Variants in ROBO1 observed in about 807,000 individuals in gnomAD.
ROBO1 encodes roundabout guidance receptor 1.
Under a neutral mutation model 195.9 loss-of-function variants are expected in ROBO1, and 149 were observed. That is an observed-to-expected ratio of 0.76 (90% CI 0.67 to 0.87). The LOEUF is 0.87. Among genes scored for constraint, ROBO1 ranks in the 40% least tolerant of loss-of-function variants. The pLI is 0.00. For missense variants in ROBO1, 1,933 were observed against 2,068.3 expected, an observed-to-expected ratio of 0.93 and a Z score of 1.27; for synonymous variants, 816 against 733.2, an observed-to-expected ratio of 1.11 and a Z score of -1.82.
At position 78,647,618 on chromosome 3, in the gene ROBO1, C is replaced by G; in HGVS notation, c.2839+11G>C. ...ACAATGGAAAGGAGGAGGGTAAGTG[C>G]AAATATATACCTGTTGGTGTGAAGG... On this transcript the variant is annotated intron_variant, in intron 20 of 30. Transcript: ENST00000464233. 1 of 1,610,254 alleles carries G rather than the reference C, an allele frequency of 6.2e-7. No individual in the cohort carries two copies. The highest frequency in any genetic ancestry group is 8.5e-7 in the Non-Finnish European group (1 of 1,176,938).
At chr3:79,234,195 T>C (rs2082369487) in intron 2 of ROBO1, among the ~76,000 whole-genome samples, 1 of 152,144 alleles carries the variant, frequency 6.6e-6, no homozygotes, top group African/African-American at 2.4e-5. Flanking sequence ...TATAACTAGG[T>C]ACTACTTTTA....
At chr3:78,782,907 T>G (rs1284036540) in intron 4 of ROBO1, among the ~76,000 whole-genome samples, 1 of 152,170 alleles carries the variant, frequency 6.6e-6, no homozygotes, top group African/African-American at 2.4e-5. Flanking sequence ...AAAGAGTGGT[T>G]TAACGTATGC....
chr3:78,824,856 G>A (rs1488876080), intron 4 of ROBO1, among the ~76,000 whole-genome samples: 1 of 152,072 alleles, frequency 6.6e-6, no homozygotes, highest in Non-Finnish European at 1.5e-5. Flanking sequence ...GGCAATGTTT[G>A]AATTCCCTAA....
intron 1 of ROBO1, among the ~76,000 whole-genome samples, chr3:79,606,487 A>G (rs968988350): frequency 3.3e-5 from 5 of 151,964 alleles, no homozygotes; most frequent in Admixed American, 1.3e-4. Context: ...TTCCCTGCCC[A>G]GGCTGGACTC....
At chr3:78,838,747 G>C (rs2106709308) in intron 4 of ROBO1, among the ~76,000 whole-genome samples, 1 of 152,264 alleles carries the variant, frequency 6.6e-6, no homozygotes, top group East Asian at 1.9e-4. Context: ...CATTAGCCTT[G>C]GGGGACAATC....
At chr3:79,186,678 G>A (rs1028001194) in intron 2 of ROBO1, among the ~76,000 whole-genome samples, 1 of 152,114 alleles carries the variant, frequency 6.6e-6, no homozygotes. Flanking sequence ...TCAGTGAAAT[G>A]TGAGCAGAAG....
intron 2 of ROBO1, among the ~76,000 whole-genome samples, chr3:79,518,750 G>A (rs762999129): frequency 2.6e-5 from 4 of 151,416 alleles, no homozygotes; most frequent in South Asian, 2.1e-4. Context: ...GTGCGATCTC[G>A]GCTCACTGCC....
intron 2 of ROBO1, among the ~76,000 whole-genome samples, chr3:79,159,726 T>A (rs2080922015): frequency 6.6e-6 from 1 of 152,030 alleles, no homozygotes; most frequent in Non-Finnish European, 1.5e-5. Context: ...TTGTACCACA[T>A]CCATTTATCC....
chr3:78,989,456 A>G (rs1007798604), intron 3 of ROBO1, among the ~76,000 whole-genome samples: 1 of 152,180 alleles, frequency 6.6e-6, no homozygotes, highest in African/African-American at 2.4e-5. Context: ...TCTACTAAAA[A>G]TACAAAAATT....
intron 4 of ROBO1, among the ~76,000 whole-genome samples, chr3:78,842,623 G>A (rs2033346599): frequency 6.8e-6 from 1 of 147,442 alleles, no homozygotes. Flanking sequence ...TGGCACCTAA[G>A]CACACGAAAT....
At chr3:78,946,179 A>G (rs939949364) in intron 3 of ROBO1, among the ~76,000 whole-genome samples, 1 of 152,142 alleles carries the variant, frequency 6.6e-6, no homozygotes, top group Non-Finnish European at 1.5e-5. Context: ...GAACACCACA[A>G]AGATACTCCT....
chr3:78,635,717 C>G (rs1705452122), intron 23 of ROBO1, 56 bp downstream of exon 23: 1 of 1,411,852 alleles, frequency 7.1e-7, no homozygotes, highest in Non-Finnish European at 9.8e-7. Flanking sequence ...AACATCTAGT[C>G]GAGGTGCTGA....
chr3:78,902,586 T>C (rs961965573), intron 4 of ROBO1, among the ~76,000 whole-genome samples: 2 of 152,154 alleles, frequency 1.3e-5, no homozygotes, highest in Non-Finnish European at 2.9e-5. Flanking sequence ...CAGTGGCTCA[T>C]GCCTGTAATC....
intron 8 of ROBO1, among the ~76,000 whole-genome samples, chr3:78,699,041 C>T (rs2081361532): frequency 6.6e-6 from 1 of 152,114 alleles, no homozygotes; most frequent in Admixed American, 6.5e-5. Flanking sequence ...CTTAGAAAGC[C>T]AGAAACCTAC....
rs948218361 is a variant in ROBO1 at position 79,750,635 on chromosome 3, G to C, written c.-51+17117C>G. 2.0e-5 allele frequency among the ~76,000 whole-genome samples: 3 copies of C among 152,150 alleles called. No homozygotes were observed. In the South Asian group the frequency reaches 6.2e-4, roughly 32 times the overall value. ...TGAATGAATCTCCTGAGATCTGATGGCTTTAAAAATGGGAGTTTGCCTGCA... is the reference window on the plus strand; with the variant it reads ...TGAATGAATCTCCTGAGATCTGATGCCTTTAAAAATGGGAGTTTGCCTGCA... On this transcript the variant is annotated intron_variant, in intron 1 of 30. Transcript: ENST00000464233.
intron 2 of ROBO1, among the ~76,000 whole-genome samples, chr3:79,329,417 T>C (rs2109163619): frequency 6.6e-6 from 1 of 152,310 alleles, no homozygotes; most frequent in East Asian, 1.9e-4. Flanking sequence ...TAGTTTACCA[T>C]CTCCCTTAAC....
At chr3:79,058,810 A>C (rs577607626) in intron 3 of ROBO1, among the ~76,000 whole-genome samples, 135 of 152,184 alleles carry the variant, frequency 8.9e-4, no homozygotes, top group Middle Eastern at 3.4e-3. Flanking sequence ...CCCTCAATAC[A>C]TTTAATTAAT....
chr3:79,323,105 G>A (rs1426241807), intron 2 of ROBO1, among the ~76,000 whole-genome samples: 4 of 145,188 alleles, frequency 2.8e-5, no homozygotes, highest in East Asian at 2.0e-4. Flanking sequence ...TTTTTGAGAC[G>A]AAGTCTCACT....
intron 22 of ROBO1, among the ~76,000 whole-genome samples, chr3:78,638,232 T>A (rs1705667805): frequency 7.3e-6 from 1 of 137,498 alleles, no homozygotes; most frequent in Non-Finnish European, 1.6e-5. Flanking sequence ...TATACATATA[T>A]GTATGTGTGT....
Sources: allele counts gnomAD v4.1 joint callset (sites outside exome capture counted in the v4.1 genomes callset), GRCh38; gene constraint gnomAD v4.1.1; transcripts MANE v1.5; gene names NCBI Gene and HGNC (gene_info 2026-07-23, HGNC 2026-07-21).